CYTH3: variants seen among roughly 807,000 people sequenced by gnomAD.
CYTH3 encodes the protein cytohesin 3, also known as cytohesin-3.
A neutral mutation model predicts 55.1 loss-of-function variants in CYTH3; 23 were observed. That is an observed-to-expected ratio of 0.42 (90% CI 0.30 to 0.59). The LOEUF is 0.59. Among genes scored for constraint, CYTH3 ranks in the 20% least tolerant of loss-of-function variants. The pLI, the probability that CYTH3 is intolerant of heterozygous loss-of-function variation, is 0.20. For missense variants in CYTH3, 413 were observed against 524.8 expected, an observed-to-expected ratio of 0.79 and a Z score of 2.08; for synonymous variants, 249 against 194.9, an observed-to-expected ratio of 1.28 and a Z score of -2.31.
chr7:6,252,280 C>T (rs1049101944), intron 1 of CYTH3, among the ~76,000 whole-genome samples: 8 of 152,132 alleles, frequency 5.3e-5, no homozygotes, highest in African/African-American at 1.9e-4. Flanking sequence ...AGAATCTTTG[C>T]CCTATTTTAC....
At chr7:6,176,483 G>T (rs970737894) in intron 5 of CYTH3, among the ~76,000 whole-genome samples, 3 of 151,918 alleles carry the variant, frequency 2.0e-5, no homozygotes, top group African/African-American at 7.2e-5. Context: ...GGATGGTCTC[G>T]ATCTCCTGAC....
At chr7:6,165,683 G>A (rs1212912419) in intron 10 of CYTH3, 51 bp downstream of exon 10, 2 of 1,613,438 alleles carry the variant, frequency 1.2e-6, no homozygotes, top group Non-Finnish European at 1.7e-6. Flanking sequence ...TCGGCCCCAG[G>A]GCAGCTCCGG....
Position 6,177,832 on chromosome 7 carries a change from A to C in CYTH3, c.359T>G (p.Leu120Arg). ...GLNKTVIGDY[L>R]GERDEFNIKV... is the part of the protein sequence containing the mutation. ...TCCTCCTCTAACTCACCTTTCACCC[A>C]GGTAGTCCCCAATGACGGTCTTATT... is the stretch of plus-strand genomic sequence containing the variant. Residue 120 changes from leucine to arginine, a missense_variant, in exon 5 of 13, where the codon CTG becomes CGG. Coordinates refer to ENST00000350796, the MANE Select transcript of CYTH3 (RefSeq NM_004227.4). The C allele has an allele frequency of 6.2e-7, 1 of 1,613,568 alleles. No homozygotes were observed. Among genetic ancestry groups the C allele is most frequent in the South Asian group, 1.1e-5 (1 of 91,074 alleles).
chr7:6,266,588 C>A (rs755178851), intron 1 of CYTH3, among the ~76,000 whole-genome samples: 3 of 152,154 alleles, frequency 2.0e-5, no homozygotes, highest in Non-Finnish European at 4.4e-5. Flanking sequence ...CCACACAAAG[C>A]TGCTTTTAAT....
intron 1 of CYTH3, among the ~76,000 whole-genome samples, chr7:6,259,705 T>C (rs568231633): frequency 8.5e-6 from 1 of 118,234 alleles, no homozygotes; most frequent in Non-Finnish European, 1.6e-5. Flanking sequence ...ATTTACTATT[T>C]TCCCCACAAA....
intron 1 of CYTH3, among the ~76,000 whole-genome samples, chr7:6,265,548 A>G (rs1780470998): frequency 6.6e-6 from 1 of 150,916 alleles, no homozygotes; most frequent in African/African-American, 2.4e-5. Context: ...GAGCCCAGGA[A>G]GCGGATGTTG....
chr7:6,200,787 GCT>G (rs1784042320), intron 1 of CYTH3, among the ~76,000 whole-genome samples: 1 of 152,168 alleles, frequency 6.6e-6, no homozygotes, highest in Admixed American at 6.6e-5. Flanking sequence ...AAAGGATCTT[GCT>G]CTGTCACTCA....
chr7:6,229,808 C>A (rs1438537427), intron 1 of CYTH3, among the ~76,000 whole-genome samples: 21 of 150,324 alleles, frequency 1.4e-4, no homozygotes, highest in African/African-American at 5.2e-4. Context: ...CAGAAAGAGA[C>A]CCTGTCTCAA....
At chr7:6,180,187 T>G (rs914885023) in intron 4 of CYTH3, among the ~76,000 whole-genome samples, 9 of 152,178 alleles carry the variant, frequency 5.9e-5, no homozygotes, top group African/African-American at 2.2e-4. Context: ...GGCCTGACCC[T>G]GCATGGTGAA....
intron 1 of CYTH3, among the ~76,000 whole-genome samples, chr7:6,213,801 C>T (rs1784371787): frequency 6.6e-6 from 1 of 152,078 alleles, no homozygotes; most frequent in Admixed American, 6.6e-5. Flanking sequence ...GCCAGCAAGG[C>T]AGGAACCCAT....
At chr7:6,259,828 ATATATTT>A (rs1393779731) in intron 1 of CYTH3, among the ~76,000 whole-genome samples, 462 of 22,848 alleles carry the variant, frequency 0.02, 94 homozygotes, top group African/African-American at 0.13. Context: ...ATATATATAT[ATATATTT>A]TTTTTTTTTT....
chr7:6,199,754 G>T (rs1193679110), intron 1 of CYTH3, among the ~76,000 whole-genome samples: 1 of 152,190 alleles, frequency 6.6e-6, no homozygotes, highest in African/African-American at 2.4e-5. Flanking sequence ...CTTCATGACA[G>T]ATACCTCTTT....
At chr7:6,230,756 G>GA (rs901861719) in intron 1 of CYTH3, among the ~76,000 whole-genome samples, 1 of 151,384 alleles carries the variant, frequency 6.6e-6, no homozygotes, top group East Asian at 1.9e-4. Context: ...CATAGTAAAT[G>GA]AAAAAAAATG....
chr7:6,182,377 C>A (rs1290238474), intron 4 of CYTH3, among the ~76,000 whole-genome samples: 1 of 152,060 alleles, frequency 6.6e-6, no homozygotes, highest in Non-Finnish European at 1.5e-5. Flanking sequence ...GAGACAGGGT[C>A]TCATTCTGTT....
intron 1 of CYTH3, among the ~76,000 whole-genome samples, chr7:6,224,315 T>TAAAAAAA (rs11458182): frequency 1.2e-5 from 1 of 86,664 alleles, no homozygotes; most frequent in African/African-American, 3.2e-5. Flanking sequence ...CAAAAATAGG[T>TAAAAAAA]AAAAAAAAAA....
chr7:6,234,736 G>T (rs1423674840), intron 1 of CYTH3, among the ~76,000 whole-genome samples: 2 of 152,152 alleles, frequency 1.3e-5, no homozygotes, highest in African/African-American at 4.8e-5. Flanking sequence ...CCGCGTGGCA[G>T]GGCTAACCCC....
rs948442724 is a variant in CYTH3, at chr7:6,165,325, G to C, written c.1075C>G (p.Arg359Gly). 1.2e-6 allele frequency: 2 copies of C among 1,614,082 alleles called. No homozygotes were observed. Among genetic ancestry groups the C allele is most frequent in the Non-Finnish European group, 1.7e-6 (2 of 1,180,018 alleles). Residue 359 changes from arginine to glycine, a missense_variant, in exon 12 of 13, where the codon CGG (arginine) becomes GGG (glycine). Coordinates refer to ENST00000350796, the MANE Select transcript of CYTH3 (RefSeq NM_004227.4). ...TCCTCCGGGCTCGGGGCTGAGATCCGGTACACCACATGGTTCCCCTCTACC... is the reference window on the plus strand; with the variant it reads ...TCCTCCGGGCTCGGGGCTGAGATCCCGTACACCACATGGTTCCCCTCTACC... ...RVVEGNHVVY[R>G]ISAPSPEEKE...
At chr7:6,175,500 G>A (rs2128539327) in intron 5 of CYTH3, among the ~76,000 whole-genome samples, 1 of 141,340 alleles carries the variant, frequency 7.1e-6, no homozygotes. Context: ...TTATGTATGT[G>A]TATCCTTATG....
intron 1 of CYTH3, among the ~76,000 whole-genome samples, chr7:6,259,759 A>ATATATATATAT (rs1562417361): frequency 7.5e-4 from 20 of 26,576 alleles, no homozygotes; most frequent in African/African-American, 6.1e-3. Context: ...TATATATATT[A>ATATATATATAT]TATATATATA....
Sources: gnomAD v4.1 joint callset for allele counts (sites outside exome capture counted in the v4.1 genomes callset) on GRCh38, gnomAD v4.1.1 for gene constraint, MANE v1.5 for transcripts, NCBI Gene and HGNC (gene_info 2026-07-23, HGNC 2026-07-21) for gene names.